The following BMP7 variants were observed in gnomAD, a reference collection of about 807,000 sequenced individuals.
BMP7 encodes bone morphogenetic protein 7.
In BMP7, 12 loss-of-function variants were observed where a neutral mutation model predicts 41.2. That is an observed-to-expected ratio of 0.29 (90% CI 0.19 to 0.47). BMP7 has a LOEUF of 0.47. Ranked by LOEUF, BMP7 falls within the 20% of genes least tolerant of loss-of-function variation. The pLI is 0.99. For synonymous variants in BMP7, 248 were observed against 250.0 expected (o/e 0.99, Z 0.07); for missense variants, 467 against 606.0 (o/e 0.77, Z 2.41).
intron 2 of BMP7, among the ~76,000 whole-genome samples, chr20:57,227,511 G>A (rs2066012130): frequency 6.6e-6 from 1 of 151,748 alleles, no homozygotes; most frequent in African/African-American, 2.4e-5. Flanking sequence ...ACATCACAAG[G>A]AGGTGCCCAC....
chr20:57,255,480 A>G (rs909384569), intron 1 of BMP7, among the ~76,000 whole-genome samples: 1 of 152,138 alleles, frequency 6.6e-6, no homozygotes, highest in African/African-American at 2.4e-5. Flanking sequence ...GATTCAGCCT[A>G]TGCAAGATCC....
intron 3 of BMP7, among the ~76,000 whole-genome samples, chr20:57,194,915 G>A (rs984873327): frequency 7.9e-5 from 12 of 152,226 alleles, no homozygotes; most frequent in African/African-American, 2.9e-4. Flanking sequence ...CAGGGAAAAG[G>A]ATCCCCCAAA....
In BMP7 at chr20:57,171,244, CCTGTTCT is replaced by C; in HGVS notation, c.1147-143_1147-137del. ...GTGACACTCCCCAAGCCAAGCACTC[CCTGTTCT>C]AAGCACTTTACATGGACAACTCAGT... On this transcript the variant is annotated intron_variant, in intron 6 of 6. Transcript: ENST00000395863. This position sits in a 1 kb window ranked among gnomAD's most constrained non-coding sequence, Gnocchi z 4.5. 7.8e-7 allele frequency: 1 copy of C among 1,277,550 alleles called. No homozygotes were observed. Among genetic ancestry groups the C allele is most frequent in the Non-Finnish European group, 1.1e-6 (1 of 899,180 alleles). 79.1% of individuals were successfully genotyped at this position (1,277,550 alleles called of 1,614,324 possible).
chr20:57,241,050 G>A (rs1307159659), intron 1 of BMP7, among the ~76,000 whole-genome samples: 1 of 152,156 alleles, frequency 6.6e-6, no homozygotes, highest in Non-Finnish European at 1.5e-5. Context: ...CCCTCTCAGA[G>A]GCAGGGGGAC....
chr20:57,258,787 G>A (rs2066143566), intron 1 of BMP7, among the ~76,000 whole-genome samples: 1 of 152,116 alleles, frequency 6.6e-6, no homozygotes, highest in Admixed American at 6.5e-5. Context: ...CCATTTTCTT[G>A]ACATTTAAAA....
chr20:57,245,046 AAG>A (rs2066084290), intron 1 of BMP7, among the ~76,000 whole-genome samples: 1 of 152,136 alleles, frequency 6.6e-6, no homozygotes, highest in Non-Finnish European at 1.5e-5. Context: ...CTTTCAAAAT[AAG>A]AGTCTTCTTT....
intron 1 of BMP7, among the ~76,000 whole-genome samples, chr20:57,248,557 G>A (rs984169466): frequency 7.2e-5 from 11 of 152,122 alleles, no homozygotes; most frequent in Non-Finnish European, 1.2e-4. Context: ...TGGCTGGGGC[G>A]GCAGCAGCCA....
At chr20:57,223,746 CAA>C (rs1351472590) in intron 2 of BMP7, among the ~76,000 whole-genome samples, 25 of 152,376 alleles carry the variant, frequency 1.6e-4, no homozygotes, top group African/African-American at 6.0e-4. Flanking sequence ...CAAGAAGCCT[CAA>C]CCACAGGGTG....
At chr20:57,193,981 T>G (rs1984435358) in intron 3 of BMP7, among the ~76,000 whole-genome samples, 1 of 152,168 alleles carries the variant, frequency 6.6e-6, no homozygotes, top group South Asian at 2.1e-4. Flanking sequence ...CCCACAGCCA[T>G]GCCCAGCCCC....
chr20:57,255,698 G>A lies in BMP7; in HGVS notation c.418+10007C>T, dbSNP rs531575445. On this transcript the variant is annotated intron_variant, in intron 1 of 6. Transcript: ENST00000395863. ...GCCTGTAATCCCTGCTACTCAGGAG[G>A]CTGAGGCAGGAGAATTGCTTGAAGC... Among the ~76,000 whole-genome samples, 4 of 149,678 alleles carry A rather than the reference G, an allele frequency of 2.7e-5. No homozygotes were observed. In the South Asian group the frequency reaches 8.6e-4, roughly 32 times the overall value.
In BMP7 at chr20:57,244,630, G is replaced by T. The variant is rs551674114; in HGVS notation, c.419-16209C>A. ...TCAACTTTTTCTCTCTATAAAATGG[G>T]GACAGGCAGAGGCCCCCAGTTCTGG... On this transcript the variant is annotated intron_variant, in intron 1 of 6. Coordinates refer to ENST00000395863, the MANE Select transcript of BMP7 (RefSeq NM_001719.3). Among the ~76,000 whole-genome samples the T allele has an allele frequency of 2.2e-4, 33 of 152,322 alleles. No homozygotes were observed. In the South Asian group the frequency reaches 6.8e-3, roughly 32 times the overall value.
At chr20:57,172,853 C>T (rs376343256) in intron 6 of BMP7, 33 of 565,448 alleles carry the variant, frequency 5.8e-5, no homozygotes, top group African/African-American at 5.2e-4. Context: ...ATCTGTTTAC[C>T]TGTTTCCTCT....
chr20:57,204,909 G>T (rs1356009800), intron 2 of BMP7, among the ~76,000 whole-genome samples: 1 of 152,236 alleles, frequency 6.6e-6, no homozygotes, highest in African/African-American at 2.4e-5. Context: ...ATTATTAAGA[G>T]GTGGGCCCTT....
rs67768281 is a variant in BMP7 at position 57,181,496 on chromosome 20, T to TAA, written c.958+2224_958+2225dup. ...GGGCAATGGCGTGAGACCCTGTCTC[T>TAA]AAAAAAAAAAAAAAAGAAAAGAAAA... On this transcript the variant is annotated intron_variant, in intron 4 of 6. Transcript: ENST00000395863. 5.6e-3 allele frequency among the ~76,000 whole-genome samples: 776 copies of TAA among 139,574 alleles called. 9 individuals carry two copies. Among genetic ancestry groups the TAA allele is most frequent in the African/African-American group, 0.019 (731 of 37,914 alleles). 91.6% of individuals were successfully genotyped at this position (139,574 alleles called of 152,430 possible). A position where few individuals can be genotyped will look rare whatever the true frequency, so the allele number is the denominator to read the frequency against.
In BMP7 at chr20:57,228,478, A is replaced by C. The variant is rs1167681325; in HGVS notation, c.419-57T>G. 8.2e-6 allele frequency: 13 copies of C among 1,589,266 alleles called. No individual in the cohort carries two copies. Among genetic ancestry groups the C allele is most frequent in the Non-Finnish European group, 1.1e-5 (13 of 1,157,682 alleles). The stretch of plus-strand genomic sequence containing the variant: ...GACAGCTCATTAGTGTCTGGGTTTC[A>C]CTCTCTGGCTCTGAGTCCAAGCATC... On this transcript the variant is annotated intron_variant, in intron 1 of 6. Transcript: ENST00000395863. The surrounding 1 kb of genome is among the most constrained non-coding windows in gnomAD (Gnocchi z 4.5).
Position 57,171,043 on chromosome 20 carries a change from G to A in BMP7, c.1212C>T (p.Ile404=), listed in dbSNP as rs1229801322. ...PCCAPTQLNA[I]SVLYFDDSSN... ...AGCTGTCATCGAAGTAGAGGACGGA[G>A]ATGGCATTGAGCTGCGTGGGCGCAC... Residue 404 remains isoleucine, a synonymous_variant, in exon 7 of 7, where the codon ATC becomes ATT. Coordinates refer to ENST00000395863, the MANE Select transcript of BMP7 (RefSeq NM_001719.3). The surrounding 1 kb of genome is among the most constrained non-coding windows in gnomAD (Gnocchi z 4.5). 1 of 1,614,262 alleles carries A rather than the reference G, an allele frequency of 6.2e-7. No homozygotes were observed. The highest frequency in any genetic ancestry group is 8.5e-7 in the Non-Finnish European group (1 of 1,180,050).
intron 2 of BMP7, among the ~76,000 whole-genome samples, chr20:57,222,741 A>G (rs230218): frequency 0.66 from 99,954 of 151,508 alleles, 34,014 homozygotes; most frequent in African/African-American, 0.83. Context: ...CAAAACCAGA[A>G]CTCATGCCCT....
chr20:57,194,608 G>A (rs865818695), intron 3 of BMP7, among the ~76,000 whole-genome samples: 9 of 152,292 alleles, frequency 5.9e-5, no homozygotes, highest in African/African-American at 2.2e-4. Flanking sequence ...TTATTTGCCA[G>A]TATAAGTATT....
At chr20:57,234,076 C>G (rs1362350841) in intron 1 of BMP7, among the ~76,000 whole-genome samples, 1 of 152,086 alleles carries the variant, frequency 6.6e-6, no homozygotes, top group East Asian at 1.9e-4. Flanking sequence ...TGCCCATGTC[C>G]CCCCACCCCC....
Sources: allele counts gnomAD v4.1 joint callset (sites outside exome capture counted in the v4.1 genomes callset), GRCh38; gene constraint gnomAD v4.1.1; non-coding constraint Gnocchi (gnomAD v3.1); transcripts MANE v1.5; gene names NCBI Gene and HGNC (gene_info 2026-07-23, HGNC 2026-07-21).